Variants in SPRY3 observed in about 807,000 individuals in gnomAD.
SPRY3 encodes sprouty RTK signaling antagonist 3, also known as protein sprouty homolog 3.
SPRY3 carries 15 observed loss-of-function variants against 20.2 expected under a neutral mutation model. The ratio of observed to expected loss-of-function variants is 0.74; its 90% CI spans 0.50 to 1.14. The LOEUF (loss-of-function observed/expected upper bound fraction) is 1.14. Ranked by LOEUF, SPRY3 falls within the 50% of genes most tolerant of loss-of-function variation. The pLI is 0.00. For synonymous variants in SPRY3, 143 were observed against 136.5 expected, an observed-to-expected ratio of 1.05 and a Z score of -0.33; for missense variants, 364 against 363.9, an observed-to-expected ratio of 1.00 and a Z score of 0.00.
At chrX:155,772,368 C>T (rs941969579) in intron 3 of SPRY3, among the ~76,000 whole-genome samples, 6 of 152,102 alleles carry the variant, frequency 3.9e-5, no homozygotes, top group African/African-American at 1.2e-4. Context: ...ATTTCAGTGT[C>T]ATGTTTGCTT....
chrX:155,636,663 T>C (rs1557351063), intron 1 of SPRY3, among the ~76,000 whole-genome samples: 1 of 110,911 alleles, frequency 9.0e-6, no homozygotes, highest in Non-Finnish European at 1.9e-5. Flanking sequence ...TCTTTCCCCT[T>C]ATTATTTTAT....
intron 2 of SPRY3, among the ~76,000 whole-genome samples, chrX:155,708,989 C>T (rs1293875817): frequency 1.7e-4 from 26 of 151,494 alleles, no homozygotes; most frequent in South Asian, 2.1e-4. Flanking sequence ...CATGTTGTTG[C>T]AAATGACAGG....
At position 155,693,564 on chromosome X, in the gene SPRY3, T is replaced by G. The variant is rs148193288; in HGVS notation, c.-282+36539T>G. Among the ~76,000 whole-genome samples the G allele has an allele frequency of 3.5e-3, 387 of 112,046 alleles. 1 individual carries two copies. Among genetic ancestry groups the G allele is most frequent in the South Asian group, 6.3e-3 (17 of 2,683 alleles). On this transcript the variant is annotated intron_variant, in intron 2 of 3. Transcript: ENST00000675360. ...TTTGTTTAGTTGTTGTGTCAATTGCTAAAGCATAGGTGTTAAAATCTCCTA... is the reference window on the plus strand; with the variant it reads ...TTTGTTTAGTTGTTGTGTCAATTGCGAAAGCATAGGTGTTAAAATCTCCTA...
intron 2 of SPRY3, among the ~76,000 whole-genome samples, chrX:155,754,098 C>A (rs762695591): frequency 2.0e-4 from 30 of 151,952 alleles, no homozygotes; most frequent in African/African-American, 6.5e-4. Context: ...TTTGAAGAAA[C>A]GTAATTTATC....
chrX:155,712,783 G>A lies in SPRY3; in HGVS notation c.-281-55179G>A, dbSNP rs778756300. Among the ~76,000 whole-genome samples the A allele has an allele frequency of 2.6e-5, 4 of 151,424 alleles. No individual in the cohort carries two copies. In the East Asian group the frequency reaches 7.8e-4, roughly 29 times the overall value. On this transcript the variant is annotated intron_variant, in intron 2 of 3. Coordinates refer to ENST00000675360, the Ensembl canonical transcript of SPRY3. ...CTTTCATTCCTTCCTGTCTTGAAAAGGTGATTTTCTCTGGTGGTATAATTT... is the reference window on the plus strand; with the variant it reads ...CTTTCATTCCTTCCTGTCTTGAAAAAGTGATTTTCTCTGGTGGTATAATTT...
chrX:155,697,522 C>CACACACACATAT (rs750002413), intron 2 of SPRY3, among the ~76,000 whole-genome samples: 12 of 99,335 alleles, frequency 1.2e-4, no homozygotes, highest in East Asian at 3.1e-4. Flanking sequence ...CACACACACA[C>CACACACACATAT]ATATATATAT....
At chrX:155,704,046 C>A (rs1223421299) in intron 2 of SPRY3, among the ~76,000 whole-genome samples, 1 of 151,822 alleles carries the variant, frequency 6.6e-6, no homozygotes, top group Non-Finnish European at 1.5e-5. Context: ...CATTTCAAGG[C>A]ATAAAATCTA....
At chrX:155,683,817 G>T (rs771216696) in intron 2 of SPRY3, among the ~76,000 whole-genome samples, 1 of 112,276 alleles carries the variant, frequency 8.9e-6, no homozygotes, top group East Asian at 2.8e-4. Context: ...AGAAGGAGAT[G>T]AGAGGACAGC....
intron 2 of SPRY3, among the ~76,000 whole-genome samples, chrX:155,705,708 ATAGC>A (rs1267968559): frequency 2.0e-5 from 3 of 151,354 alleles, no homozygotes; most frequent in Non-Finnish European, 4.4e-5. Flanking sequence ...CAAAACTAGA[ATAGC>A]TATGCTAATA....
At chrX:155,625,085 G>A (rs1557349819) in intron 1 of SPRY3, among the ~76,000 whole-genome samples, 1 of 111,480 alleles carries the variant, frequency 9.0e-6, no homozygotes, top group Non-Finnish European at 1.9e-5. Flanking sequence ...CAGCTTTGAG[G>A]CATCTTTTTA....
intron 2 of SPRY3, among the ~76,000 whole-genome samples, chrX:155,714,012 G>C (rs2091004414): frequency 6.6e-6 from 1 of 151,992 alleles, no homozygotes; most frequent in South Asian, 2.1e-4. Context: ...CATGTCAGTT[G>C]CATTTTTAAC....
chrX:155,774,440 G>T lies in SPRY3; in HGVS notation c.569G>T (p.Cys190Phe). 1 of 1,614,018 alleles carries T rather than the reference G, an allele frequency of 6.2e-7. No homozygotes were observed. Among genetic ancestry groups the T allele is most frequent in the South Asian group, 1.1e-5 (1 of 91,072 alleles). Reference sequence around the variant, plus strand: ...CTCGATTATGGCACTTGTCTCTGCTGTGTCAAGGGCCTCTTCTACCACTGC... The same window carrying T: ...CTCGATTATGGCACTTGTCTCTGCTTTGTCAAGGGCCTCTTCTACCACTGC... The change falls in exon 4 of 4, where the codon TGT becomes TTT. Residue 190 changes from cysteine (C) to phenylalanine (F), a missense_variant. Cys to Phe is a radical substitution (Grantham distance 205). Transcript: ENST00000675360.
chrX:155,618,082 C>G (rs1409229883), intron 1 of SPRY3, among the ~76,000 whole-genome samples: 1 of 111,911 alleles, frequency 8.9e-6, no homozygotes, highest in African/African-American at 3.2e-5. Flanking sequence ...ATAAAATATT[C>G]TATGTGTAAC....
chrX:155,652,503 G>C (rs1309900873), intron 1 of SPRY3, among the ~76,000 whole-genome samples: 5 of 111,512 alleles, frequency 4.5e-5, no homozygotes, highest in Non-Finnish European at 9.4e-5. Context: ...AACACACAAT[G>C]TTTTGTCTTT....
intron 1 of SPRY3, among the ~76,000 whole-genome samples, chrX:155,624,699 T>A (rs1557349786): frequency 2.7e-5 from 3 of 111,760 alleles, no homozygotes; most frequent in Non-Finnish European, 1.9e-5. Context: ...GCAGGCCTGA[T>A]AACAGTGTAT....
exon 4 of SPRY3, chrX:155,774,675 T>C (rs1333859142): frequency 6.2e-7 from 1 of 1,613,716 alleles, no homozygotes; most frequent in South Asian, 1.1e-5. Flanking sequence ...ACACCAACAC[T>C]GTGTGCAGAA....
intron 2 of SPRY3, among the ~76,000 whole-genome samples, chrX:155,765,101 C>G (rs373705082): frequency 2.6e-5 from 4 of 152,218 alleles, no homozygotes; most frequent in South Asian, 4.1e-4. Context: ...AGTCACCTCC[C>G]AAAGGCCCCA....
chrX:155,648,775 G>A (rs1557352096), intron 1 of SPRY3, among the ~76,000 whole-genome samples: 2 of 111,575 alleles, frequency 1.8e-5, no homozygotes, highest in Non-Finnish European at 3.8e-5. Flanking sequence ...TAAGATCAGA[G>A]TAGAACTGAA....
intron 2 of SPRY3, among the ~76,000 whole-genome samples, chrX:155,706,509 A>T (rs1360306445): frequency 6.6e-6 from 1 of 150,966 alleles, no homozygotes; most frequent in African/African-American, 2.4e-5. Flanking sequence ...GAAAAAATCA[A>T]TAAAGTTTAA....
Sources: allele counts gnomAD v4.1 joint callset (sites outside exome capture counted in the v4.1 genomes callset), GRCh38; gene constraint gnomAD v4.1.1; transcripts MANE v1.5; gene names NCBI Gene and HGNC (gene_info 2026-07-23, HGNC 2026-07-21).